The following NSUN3 variants were observed in gnomAD, a reference collection of about 807,000 sequenced individuals.
NSUN3 encodes NOP2/Sun RNA methyltransferase 3.
A neutral mutation model predicts 36.8 loss-of-function variants in NSUN3; 24 were observed. The ratio of observed to expected loss-of-function variants is 0.65; its 90% CI spans 0.47 to 0.92. The LOEUF is 0.92. Among genes scored for constraint, NSUN3 ranks in the 40% least tolerant of loss-of-function variants. The probability of loss-of-function intolerance (pLI) is 0.00; values close to 1 mark genes in which losing one functional copy is unlikely to be tolerated. For missense variants in NSUN3, 381 were observed against 392.8 expected (o/e 0.97, Z 0.25); for synonymous variants, 146 against 145.2 (o/e 1.01, Z -0.04).
At chr3:94,118,598 G>A (rs540284839) in intron 5 of NSUN3, among the ~76,000 whole-genome samples, 1 of 151,986 alleles carries the variant, frequency 6.6e-6, no homozygotes, top group Non-Finnish European at 1.5e-5. Context: ...GAGCCAAGGG[G>A]CCATAGCTCA....
At chr3:94,088,184 A>G (rs996397575) in intron 3 of NSUN3, among the ~76,000 whole-genome samples, 1 of 152,172 alleles carries the variant, frequency 6.6e-6, no homozygotes, top group Non-Finnish European at 1.5e-5. Context: ...AACTCCCTGC[A>G]TTAGGTTCAT....
chr3:94,068,852 T>C (rs916200108), intron 2 of NSUN3, among the ~76,000 whole-genome samples: 6 of 151,802 alleles, frequency 4.0e-5, no homozygotes, highest in Admixed American at 3.9e-4. Context: ...CTGTGAAGGA[T>C]GTAGACTGAG....
chr3:94,070,225 T>C (rs2077219889), intron 2 of NSUN3, among the ~76,000 whole-genome samples: 1 of 152,092 alleles, frequency 6.6e-6, no homozygotes, highest in Non-Finnish European at 1.5e-5. Context: ...GGAGATTTGC[T>C]TGAGGGCGGG....
At chr3:94,084,498 G>T (rs749997911) in intron 3 of NSUN3, 48 bp downstream of exon 3, 1 of 1,372,300 alleles carries the variant, frequency 7.3e-7, no homozygotes, top group Non-Finnish European at 1.0e-6. Context: ...ATATCTGTAT[G>T]TTATAGAGAA....
intron 3 of NSUN3, among the ~76,000 whole-genome samples, chr3:94,093,769 G>A (rs188083507): frequency 1.4e-4 from 21 of 152,282 alleles, no homozygotes; most frequent in Non-Finnish European, 2.2e-4. Flanking sequence ...ACTCTTAAGC[G>A]TTAGTTCTTT....
At chr3:94,095,232 C>A in intron 5 of NSUN3, 78 bp downstream of exon 5, 1 of 1,390,638 alleles carries the variant, frequency 7.2e-7, no homozygotes, top group Non-Finnish European at 1.0e-6. Context: ...GTCAGGCCCC[C>A]AGTGGAGGGC....
At chr3:94,079,445 CTG>C (rs2077259638) in intron 2 of NSUN3, among the ~76,000 whole-genome samples, 1 of 152,096 alleles carries the variant, frequency 6.6e-6, no homozygotes, top group Non-Finnish European at 1.5e-5. Context: ...GTGGTGGTCT[CTG>C]TATTTCCTCA....
chr3:94,129,595 T>C lies in NSUN3; in HGVS notation c.*3105T>C, dbSNP rs971434429. On this transcript the variant is annotated 3_prime_UTR_variant, in exon 6 of 6. Transcript: ENST00000314622. The stretch of plus-strand genomic sequence containing the variant: ...GTCTGTACCCCAAACCTCAGCATCA[T>C]CCAGTATACCCATGTAACACACCTG... Among the ~76,000 whole-genome samples the C allele has an allele frequency of 3.3e-5, 5 of 151,990 alleles. No homozygotes were observed. Among genetic ancestry groups the C allele is most frequent in the Non-Finnish European group, 2.9e-5 (2 of 67,972 alleles).
intron 5 of NSUN3, among the ~76,000 whole-genome samples, chr3:94,110,745 C>CA (rs1301042367): frequency 6.6e-6 from 1 of 151,782 alleles, no homozygotes; most frequent in Non-Finnish European, 1.5e-5. Flanking sequence ...TACACACACA[C>CA]ACACACACAC....
chr3:94,126,697 T>TG lies in NSUN3; in HGVS notation c.*209dup. 1 of 502,614 alleles carries TG rather than the reference T, an allele frequency of 2.0e-6. No individual in the cohort carries two copies. Among genetic ancestry groups the TG allele is most frequent in the Non-Finnish European group, 3.5e-6 (1 of 284,532 alleles). 31.1% of individuals were successfully genotyped at this position (502,614 alleles called of 1,614,324 possible). ...ATATATCTGTAACAATGATTTAAGG[T>TG]GGTGCAGATGGTGTTTGTTCTATAT... On this transcript the variant is annotated 3_prime_UTR_variant, in exon 6 of 6. Coordinates refer to ENST00000314622, the MANE Select transcript of NSUN3 (RefSeq NM_022072.5).
At chr3:94,120,921 T>C (rs2107273429) in intron 5 of NSUN3, among the ~76,000 whole-genome samples, 1 of 152,336 alleles carries the variant, frequency 6.6e-6, no homozygotes, top group Non-Finnish European at 1.5e-5. Context: ...CCTATTGCTA[T>C]AGTTAGTAGA....
At chr3:94,063,396 C>T (rs1001075510) in intron 1 of NSUN3, 2 of 507,398 alleles carry the variant, frequency 3.9e-6, no homozygotes, top group Non-Finnish European at 7.1e-6. Context: ...TTTTCTGTGT[C>T]ACAGCGGTAT....
At chr3:94,086,107 C>T (rs577205706) in intron 3 of NSUN3, among the ~76,000 whole-genome samples, 1 of 152,106 alleles carries the variant, frequency 6.6e-6, no homozygotes, top group African/African-American at 2.4e-5. Context: ...CCATACCTGG[C>T]TAATTTTTAT....
rs746402602 is a variant in NSUN3, at chr3:94,084,265, G to A, written c.281G>A (p.Ser94Asn). The A allele has an allele frequency of 6.2e-7, 1 of 1,614,092 alleles. No homozygotes were observed. Among genetic ancestry groups the A allele is most frequent in the Non-Finnish European group, 8.5e-7 (1 of 1,180,018 alleles). Residue 94 changes from serine to asparagine, a missense_variant, in exon 3 of 6, where the codon AGC becomes AAC. Ser to Asn is a conservative substitution (Grantham distance 46, BLOSUM62 1). Coordinates refer to ENST00000314622, the MANE Select transcript of NSUN3 (RefSeq NM_022072.5). Reference protein sequence around the residue: ...NYPKSVKCYLSRTPGRIPSER... With the variant: ...NYPKSVKCYLNRTPGRIPSER... ...CCTAAATCAGTGAAGTGTTACCTTAGCAGAACTCCGGGCCGAATCCCTTCA... is the reference window on the plus strand; with the variant it reads ...CCTAAATCAGTGAAGTGTTACCTTAACAGAACTCCGGGCCGAATCCCTTCA...
At chr3:94,116,577 A>G (rs1421291999) in intron 5 of NSUN3, among the ~76,000 whole-genome samples, 2 of 152,156 alleles carry the variant, frequency 1.3e-5, no homozygotes, top group Admixed American at 6.5e-5. Flanking sequence ...TTTACTTGCA[A>G]CAATAATTAA....
chr3:94,093,315 A>G (rs1160547415), intron 3 of NSUN3, among the ~76,000 whole-genome samples: 2 of 147,586 alleles, frequency 1.4e-5, no homozygotes, highest in African/African-American at 2.5e-5. Flanking sequence ...AAATACATAT[A>G]CACATACATA....
Position 94,095,169 on chromosome 3 carries a change from T to C in NSUN3, c.743+15T>C, listed in dbSNP as rs572187356. ...GAGCTGTTAAGGTAAGGACTGTTAA[T>C]ACAAAAGTGTATTTTGGTGTCTGAT... On this transcript the variant is annotated intron_variant, in intron 5 of 5. Transcript: ENST00000314622. The C allele has an allele frequency of 4.5e-5, 73 of 1,611,022 alleles. No individual in the cohort carries two copies. The South Asian group carries it at 6.6e-4, about 15-fold the overall frequency.
At chr3:94,120,709 C>T (rs1469048347) in intron 5 of NSUN3, among the ~76,000 whole-genome samples, 3 of 152,098 alleles carry the variant, frequency 2.0e-5, no homozygotes, top group African/African-American at 7.2e-5. Context: ...TATCTTTTGG[C>T]CATTGTGAAT....
chr3:94,089,424 A>T (rs2077305727), intron 3 of NSUN3, among the ~76,000 whole-genome samples: 1 of 152,226 alleles, frequency 6.6e-6, no homozygotes, highest in Non-Finnish European at 1.5e-5. Context: ...AACAGATAAA[A>T]ACATTTGAAA....
Sources: gnomAD v4.1 joint callset for allele counts (sites outside exome capture counted in the v4.1 genomes callset) on GRCh38, gnomAD v4.1.1 for gene constraint, MANE v1.5 for transcripts, NCBI Gene and HGNC (gene_info 2026-07-23, HGNC 2026-07-21) for gene names.